TRAT1: variants seen among roughly 807,000 people sequenced by gnomAD.
TRAT1 encodes the protein T-cell receptor-associated transmembrane adapter 1.
TRAT1 carries 20 observed loss-of-function variants against 20.0 expected under a neutral mutation model. That is an observed-to-expected ratio of 1.00 (90% confidence interval 0.70 to 1.45). The LOEUF (loss-of-function observed/expected upper bound fraction) is 1.45, where lower values mean the gene tolerates loss of function less well. Among genes scored for constraint, TRAT1 ranks in the 40% most tolerant of loss-of-function variants. The probability of loss-of-function intolerance (pLI) is 0.00; values close to 1 mark genes in which losing one functional copy is unlikely to be tolerated. For missense variants in TRAT1, 237 were observed against 224.1 expected (o/e 1.06, Z -0.37); for synonymous variants, 77 against 74.2 (o/e 1.04, Z -0.20).
chr3:108,830,365 T>A (rs1283882949), intron 1 of TRAT1, among the ~76,000 whole-genome samples: 1 of 152,208 alleles, frequency 6.6e-6, no homozygotes, highest in Non-Finnish European at 1.5e-5. Context: ...GTTGTTGATT[T>A]TTGAACAAAA....
At chr3:108,844,694 A>G (rs1481448952) in intron 3 of TRAT1, among the ~76,000 whole-genome samples, 1 of 151,236 alleles carries the variant, frequency 6.6e-6, no homozygotes, top group Non-Finnish European at 1.5e-5. Context: ...AATACAAAAA[A>G]TTAGCTGGGT....
At chr3:108,847,043 G>A (rs1244054333) in intron 3 of TRAT1, 25 bp from the exon 4 acceptor site, 6 of 1,337,346 alleles carry the variant, frequency 4.5e-6, no homozygotes, top group African/African-American at 1.5e-5. Flanking sequence ...AATCTAATAA[G>A]GTAAATTATT....
At position 108,853,835 on chromosome 3, in the gene TRAT1, A is replaced by T. The variant is rs201768651; in HGVS notation, c.519A>T (p.Arg173Ser). The T allele has an allele frequency of 1.9e-6, 3 of 1,613,968 alleles. No individual in the cohort carries two copies. Among genetic ancestry groups the T allele is most frequent in the Non-Finnish European group, 2.5e-6 (3 of 1,179,926 alleles). Residue 173 changes from arginine (R) to serine (S), a missense_variant, in exon 6 of 6, where the codon AGA becomes AGT. Arg to Ser is a moderately radical substitution (Grantham distance 110). Transcript: ENST00000295756. The part of the protein sequence containing the change: ...VEENIHDDPI[R>S]LFGLIRAKRE... Reference sequence around the variant, plus strand: ...AAAACATTCATGATGATCCCATCAGACTGTTTGGATTGATCCGTGCTAAGA... The same window carrying T: ...AAAACATTCATGATGATCCCATCAGTCTGTTTGGATTGATCCGTGCTAAGA...
At chr3:108,824,795 G>A (rs557886997) in intron 1 of TRAT1, among the ~76,000 whole-genome samples, 95 of 152,292 alleles carry the variant, frequency 6.2e-4, no homozygotes, top group African/African-American at 1.6e-3. Flanking sequence ...TGCAAGAAAT[G>A]AACATAGCAT....
At chr3:108,824,505 G>A (rs182274215) in intron 1 of TRAT1, among the ~76,000 whole-genome samples, 16 of 152,256 alleles carry the variant, frequency 1.1e-4, no homozygotes, top group African/African-American at 3.8e-4. Flanking sequence ...ACTGTTTATA[G>A]CTATCATTTG....
intron 4 of TRAT1, 75 bp from the exon 5 acceptor site, chr3:108,849,091 T>C: frequency 4.8e-6 from 6 of 1,249,124 alleles, no homozygotes; most frequent in South Asian, 2.6e-5. Flanking sequence ...CAAATGTTGT[T>C]TGGATCATGT....
intron 1 of TRAT1, among the ~76,000 whole-genome samples, chr3:108,827,142 G>A (rs1945747610): frequency 6.6e-6 from 1 of 152,140 alleles, no homozygotes; most frequent in African/African-American, 2.4e-5. Flanking sequence ...AGTGTAAATA[G>A]CTGAATTCAA....
intron 1 of TRAT1, among the ~76,000 whole-genome samples, chr3:108,827,017 A>G (rs1005021146): frequency 1.3e-5 from 2 of 152,276 alleles, no homozygotes; most frequent in Non-Finnish European, 2.9e-5. Flanking sequence ...AGGTTTTATA[A>G]TTAAACCCAC....
rs145054844 is a variant in TRAT1 at position 108,831,948 on chromosome 3, A to T, written c.118+1168A>T. 3.9e-5 allele frequency among the ~76,000 whole-genome samples: 6 copies of T among 152,344 alleles called. No individual in the cohort carries two copies. In the East Asian group the frequency reaches 1.2e-3, roughly 29 times the overall value. ...TTCCTTTTAACAGAGGAAATGAAAT[A>T]AAACTAAGTTAACAAAATTAACTTA... On this transcript the variant is annotated intron_variant, in intron 2 of 5. Coordinates refer to ENST00000295756, the MANE Select transcript of TRAT1 (RefSeq NM_016388.4).
intron 1 of TRAT1, among the ~76,000 whole-genome samples, chr3:108,825,216 T>A (rs1945725722): frequency 6.6e-6 from 1 of 152,174 alleles, no homozygotes. Context: ...AAACTACGTA[T>A]GAAAACAAAA....
At chr3:108,833,198 G>A (rs369011043) in intron 2 of TRAT1, among the ~76,000 whole-genome samples, 31 of 152,128 alleles carry the variant, frequency 2.0e-4, no homozygotes, top group African/African-American at 6.8e-4. Context: ...TGGGTGGATT[G>A]CCTGAGGTCA....
At chr3:108,849,775 G>A (rs1450661508) in intron 5 of TRAT1, among the ~76,000 whole-genome samples, 2 of 152,136 alleles carry the variant, frequency 1.3e-5, no homozygotes, top group Non-Finnish European at 2.9e-5. Flanking sequence ...CAGTTTATGT[G>A]GACGTAGGCA....
At chr3:108,827,298 A>G (rs188035252) in intron 1 of TRAT1, among the ~76,000 whole-genome samples, 4 of 152,178 alleles carry the variant, frequency 2.6e-5, no homozygotes. Flanking sequence ...CACTGTCTGT[A>G]CTAAGTAGAT....
intron 3 of TRAT1, among the ~76,000 whole-genome samples, chr3:108,845,679 G>C (rs1945936065): frequency 6.6e-6 from 1 of 151,900 alleles, no homozygotes. Context: ...GAGTAATACA[G>C]GTGTTATGCC....
chr3:108,852,062 C>CACAACA (rs200204521), intron 5 of TRAT1, among the ~76,000 whole-genome samples: 10 of 151,570 alleles, frequency 6.6e-5, no homozygotes, highest in Middle Eastern at 3.4e-3. Context: ...AGAAGCTAGA[C>CACAACA]ACAACAACAA....
chr3:108,834,668 T>C (rs1945823377), intron 2 of TRAT1, among the ~76,000 whole-genome samples: 1 of 152,242 alleles, frequency 6.6e-6, no homozygotes, highest in African/African-American at 2.4e-5. Flanking sequence ...GTTTGCATCT[T>C]TTTGTTACTC....
intron 3 of TRAT1, among the ~76,000 whole-genome samples, chr3:108,840,699 G>A (rs1167441285): frequency 6.6e-6 from 1 of 152,224 alleles, no homozygotes; most frequent in East Asian, 1.9e-4. Context: ...ACCAGGAATA[G>A]GAGTCTGAGC....
chr3:108,850,888 G>A (rs1945992466), intron 5 of TRAT1, among the ~76,000 whole-genome samples: 1 of 152,052 alleles, frequency 6.6e-6, no homozygotes, highest in Non-Finnish European at 1.5e-5. Flanking sequence ...ACTTGTACAG[G>A]GTAGCTTTAT....
intron 2 of TRAT1, among the ~76,000 whole-genome samples, chr3:108,833,441 C>A (rs574795557): frequency 2.6e-5 from 4 of 151,980 alleles, no homozygotes; most frequent in South Asian, 2.1e-4. Flanking sequence ...CAAAAAAAAA[C>A]CACGTTTTCA....
Sources: allele counts gnomAD v4.1 joint callset (sites outside exome capture counted in the v4.1 genomes callset), GRCh38; gene constraint gnomAD v4.1.1; transcripts MANE v1.5; gene names NCBI Gene and HGNC (gene_info 2026-07-23, HGNC 2026-07-21).